The following PDK1 variants were observed in gnomAD, a reference collection of about 807,000 sequenced individuals.
PDK1 encodes pyruvate dehydrogenase kinase 1.
A neutral mutation model predicts 54.2 loss-of-function variants in PDK1; 39 were observed. The ratio of observed to expected loss-of-function variants is 0.72; its 90% CI spans 0.56 to 0.94. The LOEUF is 0.94. Among genes scored for constraint, PDK1 ranks in the 40% least tolerant of loss-of-function variants. The pLI is 0.00. For missense variants in PDK1, 552 were observed against 566.0 expected, an observed-to-expected ratio of 0.98 and a Z score of 0.25; for synonymous variants, 221 against 207.1, an observed-to-expected ratio of 1.07 and a Z score of -0.58.
At position 172,599,109 on chromosome 2, in the gene PDK1, C is replaced by T. The variant is rs1283228748; in HGVS notation, c.*3140C>T. 3 of 146,588 alleles carry T rather than the reference C, an allele frequency of 2.0e-5. No individual in the cohort carries two copies. The highest frequency in any genetic ancestry group is 7.6e-5 in the African/African-American group (3 of 39,348). The allele number at this position is 146,588 out of a possible 1,614,324, so 9.1% of individuals were successfully genotyped here. ...GATCTTCTGTTGTGTGCTTTTCAAA[C>T]ACTGTAAATAAATTTGAAATTTGAA... On this transcript the variant is annotated 3_prime_UTR_variant, in exon 11 of 11. Transcript: ENST00000282077.
the PDK1 span, among the ~76,000 whole-genome samples, chr2:172,631,991 T>C: frequency 2.0e-5 from 3 of 152,146 alleles, no homozygotes; most frequent in Non-Finnish European, 4.4e-5. Flanking sequence ...AACCTTCCCT[T>C]GAGGCCGGAC....
chr2:172,712,627 C>T, the PDK1 span, among the ~76,000 whole-genome samples: 2 of 152,136 alleles, frequency 1.3e-5, no homozygotes, highest in African/African-American at 2.4e-5. Flanking sequence ...TGTGGACACC[C>T]GGGAATGCAG....
intron 8 of PDK1, among the ~76,000 whole-genome samples, chr2:172,583,280 G>GTTTTTTTT (rs1401815533): frequency 1.1e-5 from 1 of 93,918 alleles, no homozygotes; most frequent in Non-Finnish European, 2.0e-5. Flanking sequence ...AAAGTTTTCT[G>GTTTTTTTT]GTTTTTTTTT....
chr2:172,658,978 A>C, the PDK1 span, among the ~76,000 whole-genome samples: 1 of 151,998 alleles, frequency 6.6e-6, no homozygotes, highest in African/African-American at 2.4e-5. Flanking sequence ...TGTGATCTTT[A>C]TTGGCCTCAG....
chr2:172,656,604 A>G, the PDK1 span, among the ~76,000 whole-genome samples: 1 of 152,128 alleles, frequency 6.6e-6, no homozygotes, highest in Admixed American at 6.5e-5. Flanking sequence ...CCTCTAGTAT[A>G]TTGCAAAATA....
chr2:172,663,221 G>A, the PDK1 span, among the ~76,000 whole-genome samples: 106 of 152,246 alleles, frequency 7.0e-4, 1 homozygote, highest in South Asian at 0.013. Flanking sequence ...TCACATGGTC[G>A]TTCCTCTGAG....
At chr2:172,664,135 A>G in the PDK1 span, among the ~76,000 whole-genome samples, 1 of 151,530 alleles carries the variant, frequency 6.6e-6, no homozygotes, top group African/African-American at 2.4e-5. Context: ...AACATGGAGA[A>G]ACCCTGTCTC....
At chr2:172,647,704 A>G in the PDK1 span, among the ~76,000 whole-genome samples, 3 of 152,224 alleles carry the variant, frequency 2.0e-5, no homozygotes, top group African/African-American at 4.8e-5. Context: ...AGCAAGCTCT[A>G]CCGTAATAAT....
In PDK1 at chr2:172,601,913, TA is replaced by T. The variant is rs1039417415; in HGVS notation, c.*5949del. The stretch of plus-strand genomic sequence containing the variant: ...CATAAGAATACCATTAACTTTATGA[TA>T]AAAATTTTGTAAGTGGAGAAGAAAT... On this transcript the variant is annotated 3_prime_UTR_variant, in exon 11 of 11. Coordinates refer to ENST00000282077, the MANE Select transcript of PDK1 (RefSeq NM_002610.5). 1.3e-5 allele frequency: 2 copies of T among 152,192 alleles called. No individual in the cohort carries two copies. 9.4% of individuals were successfully genotyped at this position (152,192 alleles called of 1,614,324 possible). A position where few individuals can be genotyped will look rare whatever the true frequency, so the allele number is the denominator to read the frequency against.
chr2:172,649,191 C>A, the PDK1 span, among the ~76,000 whole-genome samples: 6 of 152,214 alleles, frequency 3.9e-5, no homozygotes, highest in African/African-American at 1.4e-4. Context: ...TGCTGTTCTG[C>A]AGCTTCTGCT....
At chr2:172,653,534 C>T in the PDK1 span, among the ~76,000 whole-genome samples, 4 of 151,648 alleles carry the variant, frequency 2.6e-5, no homozygotes, top group Non-Finnish European at 5.9e-5. Context: ...ACCTGGGAAG[C>T]GGAGGTTGCA....
chr2:172,709,185 C>T, the PDK1 span, among the ~76,000 whole-genome samples: 1 of 152,182 alleles, frequency 6.6e-6, no homozygotes, highest in South Asian at 2.1e-4. Flanking sequence ...ACTACCACCA[C>T]CACCCTAAGC....
the PDK1 span, among the ~76,000 whole-genome samples, chr2:172,682,039 G>A: frequency 9.2e-5 from 14 of 152,372 alleles, no homozygotes; most frequent in African/African-American, 3.1e-4. Context: ...GATTAAAGGC[G>A]TGAGCCACCA....
chr2:172,592,512 T>G (rs56379027), intron 9 of PDK1, among the ~76,000 whole-genome samples: 10,451 of 152,170 alleles, frequency 0.069, 473 homozygotes, highest in East Asian at 0.096. Context: ...TGACTTTCTG[T>G]CTCTTTCTCT....
chr2:172,689,033 G>C, the PDK1 span, among the ~76,000 whole-genome samples: 2 of 152,212 alleles, frequency 1.3e-5, no homozygotes, highest in Admixed American at 1.3e-4. Flanking sequence ...AGCTTCCACA[G>C]CATGGAAAGG....
chr2:172,700,657 G>C, the PDK1 span, among the ~76,000 whole-genome samples: 1 of 152,132 alleles, frequency 6.6e-6, no homozygotes, highest in African/African-American at 2.4e-5. Context: ...GCAGGCGGCT[G>C]GGAGGTGGAG....
intron 7 of PDK1, 172 bp from the exon 8 acceptor site, chr2:172,570,554 C>T (rs1574483107): frequency 8.5e-6 from 4 of 469,984 alleles, no homozygotes; most frequent in Non-Finnish European, 1.5e-5. Context: ...CTTCAAATCC[C>T]CCCCAAATTG....
At chr2:172,676,338 A>G in the PDK1 span, among the ~76,000 whole-genome samples, 1 of 152,176 alleles carries the variant, frequency 6.6e-6, no homozygotes, top group Admixed American at 6.5e-5. Flanking sequence ...TAAATAGAAA[A>G]CCTTCTGGAA....
chr2:172,720,499 G>C, the PDK1 span, among the ~76,000 whole-genome samples: 1 of 152,146 alleles, frequency 6.6e-6, no homozygotes, highest in South Asian at 2.1e-4. Flanking sequence ...ATCTTCCCAA[G>C]GAATGGACTG....
Sources: gnomAD v4.1 joint callset for allele counts (sites outside exome capture counted in the v4.1 genomes callset) on GRCh38, gnomAD v4.1.1 for gene constraint, MANE v1.5 for transcripts, NCBI Gene and HGNC (gene_info 2026-07-23, HGNC 2026-07-21) for gene names.